The following SLC36A1 variants were observed in gnomAD, a reference collection of about 807,000 sequenced individuals.
SLC36A1 encodes solute carrier family 36 member 1, also known as proton-coupled amino acid transporter 1.
Under a neutral mutation model 47.5 loss-of-function variants are expected in SLC36A1, and 30 were observed. The ratio of observed to expected loss-of-function variants is 0.63; its 90% CI spans 0.47 to 0.86. The LOEUF is 0.86. Among genes scored for constraint, SLC36A1 ranks in the 40% least tolerant of loss-of-function variants. SLC36A1 has a pLI of 0.00. For synonymous variants in SLC36A1, 255 were observed against 249.7 expected (o/e 1.02, Z -0.20); for missense variants, 517 against 606.0 (o/e 0.85, Z 1.54).
chr5:151,489,035 G>T lies in SLC36A1; in HGVS notation c.*781G>T, dbSNP rs1452557336. ...AATCACTTCTTCTTCAGTAAACTTT[G>T]ACTCAACTTCTCCTGCTGAAAAGAA... On this transcript the variant is annotated 3_prime_UTR_variant, in exon 11 of 11. Coordinates refer to ENST00000243389, the MANE Select transcript of SLC36A1 (RefSeq NM_078483.4). This position sits in a 1 kb window ranked among gnomAD's most constrained non-coding sequence, Gnocchi z 4.5. The T allele has an allele frequency of 6.6e-6, 1 of 151,320 alleles. No individual in the cohort carries two copies. The highest frequency in any genetic ancestry group is 1.5e-5 in the Non-Finnish European group (1 of 67,846). The allele number at this position is 151,320 out of a possible 1,614,324, so 9.4% of individuals were successfully genotyped here.
intron 1 of SLC36A1, among the ~76,000 whole-genome samples, chr5:151,451,480 GTAGGGACC>G (rs1753657624): frequency 6.6e-6 from 1 of 151,886 alleles, no homozygotes; most frequent in African/African-American, 2.4e-5. Context: ...CATCTCCAAG[GTAGGGACC>G]TGGCTTCACA....
intron 5 of SLC36A1, 27 bp downstream of exon 5, chr5:151,465,196 CTGTGGCCTCCCAG>C: frequency 6.3e-7 from 1 of 1,577,160 alleles, no homozygotes. Context: ...TTCCTTTCAA[CTGTGGCCTCCCAG>C]TGTGAGGCCT....
chr5:151,538,117 A>G, the SLC36A1 span, among the ~76,000 whole-genome samples: 1 of 152,130 alleles, frequency 6.6e-6, no homozygotes, highest in African/African-American at 2.4e-5. Context: ...AGAGAAGCAG[A>G]GAGAGGGAGG....
chr5:151,456,196 G>A (rs1470738946), intron 1 of SLC36A1, among the ~76,000 whole-genome samples: 30 of 152,090 alleles, frequency 2.0e-4, no homozygotes, highest in Admixed American at 2.0e-3. Context: ...TTCAGTAGAG[G>A]CAGGGTCTCA....
At chr5:151,527,758 C>T in the SLC36A1 span, among the ~76,000 whole-genome samples, 5 of 152,176 alleles carry the variant, frequency 3.3e-5, no homozygotes, top group Non-Finnish European at 5.9e-5. Context: ...GATCCCTACT[C>T]AATTGTGAGA....
intron 3 of SLC36A1, among the ~76,000 whole-genome samples, 182 bp downstream of exon 3, chr5:151,463,825 C>T (rs1431070448): frequency 6.6e-6 from 1 of 152,122 alleles, no homozygotes; most frequent in Non-Finnish European, 1.5e-5. Flanking sequence ...GTGTTCTGTG[C>T]GTTAGGCACT....
At position 151,484,546 on chromosome 5, in the gene SLC36A1, T is replaced by G. The variant is rs548906865; in HGVS notation, c.1160-3437T>G. Among the ~76,000 whole-genome samples the G allele has an allele frequency of 7.2e-5, 11 of 152,264 alleles. No homozygotes were observed. The East Asian group carries it at 2.1e-3, about 29-fold the overall frequency. ...ACTAACACTGGAGTGTATAGTTCCT[T>G]AGAATTTCAGAGTTGGGCGAGACTT... is the stretch of plus-strand genomic sequence containing the variant. On this transcript the variant is annotated intron_variant, in intron 10 of 10. Coordinates refer to ENST00000243389, the MANE Select transcript of SLC36A1 (RefSeq NM_078483.4).
At chr5:151,467,310 A>G in intron 6 of SLC36A1, 27 bp downstream of exon 6, 2 of 1,409,032 alleles carry the variant, frequency 1.4e-6, no homozygotes, top group Non-Finnish European at 1.9e-6. Flanking sequence ...AAAAGAAAAA[A>G]AAAAAAAAAA....
the SLC36A1 span, chr5:151,544,935 A>G: frequency 6.2e-7 from 1 of 1,614,138 alleles, no homozygotes; most frequent in Non-Finnish European, 8.5e-7. Flanking sequence ...GGGGATTGTC[A>G]TTGACATCCT....
the SLC36A1 span, among the ~76,000 whole-genome samples, chr5:151,416,119 A>G: frequency 6.6e-6 from 1 of 152,228 alleles, no homozygotes; most frequent in Non-Finnish European, 1.5e-5. Context: ...ATCTCAAAAA[A>G]TAACAACAAA....
At chr5:151,550,929 G>T in the SLC36A1 span, 3 of 1,549,126 alleles carry the variant, frequency 1.9e-6, no homozygotes, top group Middle Eastern at 2.3e-4. Context: ...CAGGGACTGG[G>T]TCTGTCTGGA....
chr5:151,503,294 TTAA>T, the SLC36A1 span, among the ~76,000 whole-genome samples: 1 of 148,170 alleles, frequency 6.7e-6, no homozygotes, highest in Non-Finnish European at 1.5e-5. Context: ...GTGGGGAATG[TTAA>T]TAATGAGGGA....
chr5:151,537,390 G>T, the SLC36A1 span, among the ~76,000 whole-genome samples: 5 of 147,116 alleles, frequency 3.4e-5, no homozygotes, highest in African/African-American at 1.3e-4. Flanking sequence ...AACAACGAAA[G>T]GAAAGGAAAG....
At chr5:151,441,273 T>TA (rs1350839846) in intron 1 of SLC36A1, among the ~76,000 whole-genome samples, 1 of 152,142 alleles carries the variant, frequency 6.6e-6, no homozygotes, top group Non-Finnish European at 1.5e-5. Flanking sequence ...ATGGGCAACA[T>TA]AGCAAGACCT....
At chr5:151,542,494 T>C in the SLC36A1 span, 3 of 1,614,198 alleles carry the variant, frequency 1.9e-6, no homozygotes, top group South Asian at 1.1e-5. Context: ...TCCGTGGTCA[T>C]AGGCCACCAC....
chr5:151,544,710 A>G, the SLC36A1 span: 1 of 1,614,008 alleles, frequency 6.2e-7, no homozygotes, highest in Non-Finnish European at 8.5e-7. Flanking sequence ...CTTTGAGGTG[A>G]TATTTATTTA....
At chr5:151,367,867 C>T in the SLC36A1 span, among the ~76,000 whole-genome samples, 1 of 152,296 alleles carries the variant, frequency 6.6e-6, no homozygotes, top group South Asian at 2.1e-4. Context: ...CATAGGAGCA[C>T]TGAGGGGAAT....
the SLC36A1 span, among the ~76,000 whole-genome samples, chr5:151,509,289 G>GT: frequency 6.6e-6 from 1 of 152,256 alleles, no homozygotes; most frequent in Non-Finnish European, 1.5e-5. Context: ...TTCTGAGACA[G>GT]TATGTTCAGA....
At chr5:151,350,816 C>T in the SLC36A1 span, among the ~76,000 whole-genome samples, 1 of 152,062 alleles carries the variant, frequency 6.6e-6, no homozygotes, top group South Asian at 2.1e-4. Context: ...ATCCTCCCAC[C>T]TCAGCCTCCC....
Sources: gnomAD v4.1 joint callset for allele counts (sites outside exome capture counted in the v4.1 genomes callset) on GRCh38, gnomAD v4.1.1 for gene constraint, Gnocchi (gnomAD v3.1) non-coding constraint, MANE v1.5 for transcripts, NCBI Gene and HGNC (gene_info 2026-07-23, HGNC 2026-07-21) for gene names.